Variants in TAF4B observed in about 807,000 individuals in gnomAD.
TAF4B encodes the protein transcription initiation factor TFIID subunit 4B.
TAF4B carries 38 observed loss-of-function variants against 86.4 expected under a neutral mutation model. That is an observed-to-expected ratio of 0.44 (90% confidence interval 0.34 to 0.58). The LOEUF is 0.58. TAF4B is among the 20% of genes least tolerant of loss of function. The pLI is 0.02. For missense variants in TAF4B, 988 were observed against 1,027.6 expected, an observed-to-expected ratio of 0.96 and a Z score of 0.53; for synonymous variants, 388 against 391.2, an observed-to-expected ratio of 0.99 and a Z score of 0.10.
chr18:26,280,558 A>T (rs759844152), intron 5 of TAF4B, among the ~76,000 whole-genome samples: 1 of 152,256 alleles, frequency 6.6e-6, no homozygotes, highest in Non-Finnish European at 1.5e-5. Context: ...AAAGATGCTC[A>T]TCATCACTAA....
intron 14 of TAF4B, among the ~76,000 whole-genome samples, chr18:26,365,956 A>AT: frequency 6.6e-6 from 1 of 152,010 alleles, no homozygotes; most frequent in East Asian, 1.9e-4. Context: ...CGCCTGACTA[A>AT]TTTTTTGTAT....
intron 1 of TAF4B, among the ~76,000 whole-genome samples, chr18:26,257,838 CGTGCGTGTGTGT>C (rs1395950639): frequency 5.0e-5 from 5 of 100,794 alleles, no homozygotes; most frequent in South Asian, 7.6e-4. Flanking sequence ...CTTTCCTCTG[CGTGCGTGTGTGT>C]GTGTGTGTGT....
intron 1 of TAF4B, among the ~76,000 whole-genome samples, chr18:26,259,359 T>C (rs1420605494): frequency 6.6e-6 from 1 of 152,074 alleles, no homozygotes; most frequent in East Asian, 1.9e-4. Flanking sequence ...TATGTATACA[T>C]GTGCCATGTT....
intron 8 of TAF4B, 103 bp from the exon 9 acceptor site, chr18:26,293,322 TC>T (rs1334935855): frequency 1.4e-6 from 1 of 695,198 alleles, no homozygotes; most frequent in East Asian, 3.0e-5. Context: ...CTTGGAATTT[TC>T]TTTGATTATT....
chr18:26,352,049 A>T (rs2057249971), intron 13 of TAF4B, among the ~76,000 whole-genome samples: 1 of 152,140 alleles, frequency 6.6e-6, no homozygotes. Flanking sequence ...GTTACTACAA[A>T]ATGCAGTAGA....
At chr18:26,236,868 G>T (rs1320694416) in intron 1 of TAF4B, among the ~76,000 whole-genome samples, 1 of 152,146 alleles carries the variant, frequency 6.6e-6, no homozygotes, top group Non-Finnish European at 1.5e-5. Flanking sequence ...CCTGATATCT[G>T]CAGCTGATTG....
chr18:26,286,287 A>ACAGCAGTAACACTGTCCCTTC lies in TAF4B; in HGVS notation c.1389_1409dup (p.Leu464_Thr470dup), dbSNP rs1158060413. ...ACCTGAAAAGCCAGTTGTCTCTGGAACAGCAGTAACACTGTCCCTTCCAGC... is the reference window on the plus strand; with the variant it reads ...ACCTGAAAAGCCAGTTGTCTCTGGAACAGCAGTAACACTGTCCCTTCCAGCAGTAACACTGTCCCTTCCAGC... On this transcript the variant is annotated inframe_insertion, in exon 7 of 15. Coordinates refer to ENST00000269142, the MANE Select transcript of TAF4B (RefSeq NM_005640.3). 2 of 1,614,134 alleles carry ACAGCAGTAACACTGTCCCTTC rather than the reference A, an allele frequency of 1.2e-6. No individual in the cohort carries two copies. Among genetic ancestry groups the ACAGCAGTAACACTGTCCCTTC allele is most frequent in the African/African-American group, 2.7e-5 (2 of 74,944 alleles).
chr18:26,321,105 G>A lies in TAF4B; in HGVS notation c.2038G>A (p.Ala680Thr). The part of the protein sequence containing the change: ...KHDITELNSD[A>T]VNLISQATQE... ...TGACATTACAGAACTTAACTCTGATGCTGTGAACTTGATCTCCCAAGCAAC... is the reference window on the plus strand; with the variant it reads ...TGACATTACAGAACTTAACTCTGATACTGTGAACTTGATCTCCCAAGCAAC... Residue 680 changes from alanine (A) to threonine (T), a missense_variant, in exon 11 of 15, where the codon GCT (alanine) becomes ACT (threonine). By Grantham distance (58) the Ala-to-Thr change is moderately conservative. Coordinates refer to ENST00000269142, the MANE Select transcript of TAF4B (RefSeq NM_005640.3). 6.2e-7 allele frequency: 1 copy of A among 1,613,886 alleles called. No individual in the cohort carries two copies.
chr18:26,346,887 A>ATGTGTGTATATATATATGTGTGTG (rs1327852072), intron 13 of TAF4B, among the ~76,000 whole-genome samples: 1 of 12,900 alleles, frequency 7.8e-5, no homozygotes, highest in African/African-American at 1.4e-4. Context: ...GTATATATAT[A>ATGTGTGTATATATATATGTGTGTG]TATATATATA....
At chr18:26,241,679 G>A (rs2055841670) in intron 1 of TAF4B, among the ~76,000 whole-genome samples, 2 of 152,070 alleles carry the variant, frequency 1.3e-5, no homozygotes, top group South Asian at 4.1e-4. Flanking sequence ...TGTGATGTTA[G>A]GGTGTCAATT....
At chr18:26,230,160 T>C (rs2055643883) in intron 1 of TAF4B, among the ~76,000 whole-genome samples, 1 of 152,250 alleles carries the variant, frequency 6.6e-6, no homozygotes, top group Admixed American at 6.5e-5. Context: ...CTTCTTGATA[T>C]TCTTCATCTT....
chr18:26,349,444 CCAAACAAACAAA>C (rs71169854), intron 13 of TAF4B, among the ~76,000 whole-genome samples: 1 of 151,534 alleles, frequency 6.6e-6, no homozygotes, highest in Admixed American at 6.6e-5. Context: ...AAAATCCCTG[CCAAACAAACAAA>C]CAAACAAACA....
chr18:26,242,126 G>T (rs2055849057), intron 1 of TAF4B, among the ~76,000 whole-genome samples: 1 of 152,116 alleles, frequency 6.6e-6, no homozygotes, highest in African/African-American at 2.4e-5. Context: ...CTGAGTTCAA[G>T]TCCTGGATAT....
At chr18:26,355,521 T>C (rs2057281930) in intron 13 of TAF4B, among the ~76,000 whole-genome samples, 2 of 152,366 alleles carry the variant, frequency 1.3e-5, no homozygotes, top group South Asian at 4.1e-4. Context: ...AAGCTTGTTA[T>C]AAATACAGGG....
At chr18:26,270,194 G>T (rs912345882) in intron 3 of TAF4B, among the ~76,000 whole-genome samples, 1 of 152,176 alleles carries the variant, frequency 6.6e-6, no homozygotes, top group African/African-American at 2.4e-5. Context: ...ATTATGTTGT[G>T]CTGGGATAAC....
chr18:26,353,047 G>A (rs866001493), intron 13 of TAF4B, among the ~76,000 whole-genome samples: 41 of 152,230 alleles, frequency 2.7e-4, no homozygotes, highest in Admixed American at 2.3e-3. Context: ...CAATAGAAGA[G>A]ATAGAAACAC....
intron 6 of TAF4B, among the ~76,000 whole-genome samples, chr18:26,285,638 G>A (rs1053532465): frequency 1.3e-5 from 2 of 151,962 alleles, no homozygotes; most frequent in Admixed American, 1.3e-4. Context: ...TGATATTGAG[G>A]GAATACAAAT....
intron 1 of TAF4B, among the ~76,000 whole-genome samples, chr18:26,228,526 T>C (rs550983980): frequency 6.6e-6 from 1 of 152,062 alleles, no homozygotes; most frequent in East Asian, 1.9e-4. Context: ...TCTGCATATA[T>C]GTTTATAAAG....
At chr18:26,334,504 C>G (rs1296070655) in intron 12 of TAF4B, among the ~76,000 whole-genome samples, 2 of 152,162 alleles carry the variant, frequency 1.3e-5, no homozygotes, top group Admixed American at 1.3e-4. Context: ...AAGTTCCCTA[C>G]CCTTTGTTCC....
Sources: gnomAD v4.1 joint callset for allele counts (sites outside exome capture counted in the v4.1 genomes callset) on GRCh38, gnomAD v4.1.1 for gene constraint, MANE v1.5 for transcripts, NCBI Gene and HGNC (gene_info 2026-07-23, HGNC 2026-07-21) for gene names.